MAST4: variants seen among roughly 807,000 people sequenced by gnomAD.
The protein encoded by MAST4 is microtubule associated serine/threonine kinase family member 4, also known as microtubule-associated serine/threonine-protein kinase 4.
MAST4 carries 89 observed loss-of-function variants against 162.7 expected under a neutral mutation model. The ratio of observed to expected loss-of-function variants is 0.55; its 90% CI spans 0.46 to 0.65. The LOEUF is 0.65. Among genes scored for constraint, MAST4 ranks in the 30% least tolerant of loss-of-function variants. MAST4 has a pLI of 0.00. For missense variants in MAST4, 3,153 were observed against 3,374.0 expected, an observed-to-expected ratio of 0.93 and a Z score of 1.62; for synonymous variants, 1,479 against 1,361.1, an observed-to-expected ratio of 1.09 and a Z score of -1.91.
intron 1 of MAST4, among the ~76,000 whole-genome samples, chr5:66,637,648 T>A (rs998277863): frequency 6.6e-6 from 1 of 152,168 alleles, no homozygotes; most frequent in African/African-American, 2.4e-5. Flanking sequence ...AAATTTTATT[T>A]TTTTTATTTT....
At chr5:66,650,714 A>G (rs937839493) in intron 1 of MAST4, among the ~76,000 whole-genome samples, 20 of 152,202 alleles carry the variant, frequency 1.3e-4, no homozygotes, top group African/African-American at 4.6e-4. Flanking sequence ...AAATACACAC[A>G]TGGAATACTC....
intron 5 of MAST4, among the ~76,000 whole-genome samples, chr5:67,076,544 C>T (rs955903632): frequency 6.6e-6 from 1 of 152,150 alleles, no homozygotes; most frequent in African/African-American, 2.4e-5. Flanking sequence ...AACTAGAAAT[C>T]TCAGTATCAT....
chr5:66,760,691 G>T (rs1285514728), intron 2 of MAST4, among the ~76,000 whole-genome samples: 1 of 152,160 alleles, frequency 6.6e-6, no homozygotes, highest in Non-Finnish European at 1.5e-5. Context: ...ATGTTTTTAA[G>T]ATTCACCCAT....
intron 6 of MAST4, among the ~76,000 whole-genome samples, chr5:67,093,203 C>T (rs1764057177): frequency 6.6e-6 from 1 of 151,952 alleles, no homozygotes; most frequent in Admixed American, 6.6e-5. Flanking sequence ...TCCCGTGTTC[C>T]CATCAGATGT....
chr5:66,662,896 A>G (rs1447558836), intron 1 of MAST4: 1 of 152,192 alleles, frequency 6.6e-6, no homozygotes, highest in Non-Finnish European at 1.5e-5. Context: ...GCTGGAGTGC[A>G]GTGGCTCAAC....
At chr5:67,046,229 T>C (rs1314287416) in intron 4 of MAST4, among the ~76,000 whole-genome samples, 4 of 152,232 alleles carry the variant, frequency 2.6e-5, no homozygotes, top group African/African-American at 9.6e-5. Flanking sequence ...TTTCTCCAAA[T>C]GTATCCCTGC....
chr5:66,847,137 G>A (rs2149801778), intron 3 of MAST4, among the ~76,000 whole-genome samples: 1 of 152,298 alleles, frequency 6.6e-6, no homozygotes, highest in South Asian at 2.1e-4. Context: ...ATGAAAAGTA[G>A]GGCCAAAAGA....
chr5:66,922,906 A>G (rs371514456), intron 4 of MAST4, among the ~76,000 whole-genome samples: 24 of 152,230 alleles, frequency 1.6e-4, no homozygotes, highest in African/African-American at 5.5e-4. Context: ...CCAACCTCCA[A>G]TTTATCTGAC....
chr5:66,919,531 C>G (rs552738101), intron 4 of MAST4, among the ~76,000 whole-genome samples: 19 of 151,864 alleles, frequency 1.3e-4, no homozygotes, highest in African/African-American at 4.1e-4. Context: ...CATGGTGGCA[C>G]ACGCCTGTAA....
At chr5:67,153,629 A>T in intron 26 of MAST4, 49 bp downstream of exon 26, 1 of 1,523,172 alleles carries the variant, frequency 6.6e-7, no homozygotes, top group South Asian at 1.3e-5. Context: ...AGGCAGCCCA[A>T]AGGGGCTAGT....
intron 1 of MAST4, among the ~76,000 whole-genome samples, chr5:66,611,990 G>A (rs1285794116): frequency 6.6e-6 from 1 of 152,132 alleles, no homozygotes; most frequent in African/African-American, 2.4e-5. Flanking sequence ...GTTAGATCTT[G>A]GGCAGTCAGA....
At chr5:66,641,232 A>C (rs2149435451) in intron 1 of MAST4, among the ~76,000 whole-genome samples, 1 of 152,190 alleles carries the variant, frequency 6.6e-6, no homozygotes, top group South Asian at 2.1e-4. Context: ...GGCTCATTGC[A>C]ACTTTGCCTC....
chr5:67,028,097 T>C lies in MAST4; in HGVS notation c.675-26307T>C, dbSNP rs369912450. Among the ~76,000 whole-genome samples, 290 of 152,120 alleles carry C rather than the reference T, an allele frequency of 1.9e-3. 2 individuals are homozygous for C. Among genetic ancestry groups the C allele is most frequent in the African/African-American group, 6.8e-3 (284 of 41,490 alleles). ...CAGAATTTACAGTATCATGTGTGAG[T>C]ATATGTCTGTCTTACTCCTTCTTAG... On this transcript the variant is annotated intron_variant, in intron 4 of 28. Transcript: ENST00000403625.
chr5:66,898,688 G>A (rs1762832279), intron 3 of MAST4, among the ~76,000 whole-genome samples: 1 of 152,218 alleles, frequency 6.6e-6, no homozygotes, highest in Non-Finnish European at 1.5e-5. Flanking sequence ...TTGGGTGAAA[G>A]AAGACGACAC....
At chr5:66,678,163 A>G (rs971773277) in intron 1 of MAST4, among the ~76,000 whole-genome samples, 7 of 152,110 alleles carry the variant, frequency 4.6e-5, no homozygotes, top group African/African-American at 1.7e-4. Context: ...GCACAGAAAG[A>G]CACATACTGC....
At chr5:66,742,585 G>A (rs1016328397) in intron 1 of MAST4, among the ~76,000 whole-genome samples, 1 of 152,130 alleles carries the variant, frequency 6.6e-6, no homozygotes, top group African/African-American at 2.4e-5. Flanking sequence ...AGACTCAAGG[G>A]ACTCTTGACA....
At chr5:66,771,198 T>A (rs1169713506) in intron 2 of MAST4, among the ~76,000 whole-genome samples, 3 of 151,922 alleles carry the variant, frequency 2.0e-5, no homozygotes, top group African/African-American at 2.4e-5. Flanking sequence ...TTTTTTTTTT[T>A]ATTTGAGACG....
At chr5:67,028,046 A>G (rs1754874584) in intron 4 of MAST4, among the ~76,000 whole-genome samples, 1 of 152,182 alleles carries the variant, frequency 6.6e-6, no homozygotes, top group South Asian at 2.1e-4. Context: ...AGTTGGGTGT[A>G]GAGACAGGAA....
intron 4 of MAST4, among the ~76,000 whole-genome samples, chr5:67,043,452 G>A (rs752288039): frequency 2.6e-5 from 4 of 152,184 alleles, no homozygotes; most frequent in Admixed American, 6.5e-5. Flanking sequence ...AAATTTTACT[G>A]TGTTATTTCC....
Sources: gnomAD v4.1 joint callset for allele counts (sites outside exome capture counted in the v4.1 genomes callset) on GRCh38, gnomAD v4.1.1 for gene constraint, MANE v1.5 for transcripts, NCBI Gene and HGNC (gene_info 2026-07-23, HGNC 2026-07-21) for gene names.